The following RPS6KC1 variants were observed in gnomAD, a reference collection of about 807,000 sequenced individuals.
The protein encoded by RPS6KC1 is ribosomal protein S6 kinase C1.
RPS6KC1 carries 54 observed loss-of-function variants against 103.8 expected under a neutral mutation model. That is an observed-to-expected ratio of 0.52 (90% CI 0.42 to 0.65). The LOEUF is 0.65. Among genes scored for constraint, RPS6KC1 ranks in the 30% least tolerant of loss-of-function variants. The pLI is 0.00. For synonymous variants in RPS6KC1, 439 were observed against 438.7 expected (o/e 1.00, Z -0.01); for missense variants, 1,151 against 1,253.8 (o/e 0.92, Z 1.24).
the RPS6KC1 span, among the ~76,000 whole-genome samples, chr1:213,519,328 G>T: frequency 1.3e-3 from 197 of 152,200 alleles, 1 homozygote; most frequent in African/African-American, 4.6e-3. Flanking sequence ...TTGAGGATGG[G>T]CTCTCCCACA....
the RPS6KC1 span, among the ~76,000 whole-genome samples, chr1:213,319,483 C>G: frequency 6.6e-6 from 1 of 152,144 alleles, no homozygotes; most frequent in Non-Finnish European, 1.5e-5. Context: ...GATGTGCGGT[C>G]AGCTCTCAGT....
chr1:213,056,846 TC>T (rs2077367810), intron 1 of RPS6KC1, among the ~76,000 whole-genome samples: 1 of 151,684 alleles, frequency 6.6e-6, no homozygotes, highest in African/African-American at 2.4e-5. Context: ...TACCCTGTGT[TC>T]CGGGAAGCTT....
At chr1:213,308,035 G>A in the RPS6KC1 span, among the ~76,000 whole-genome samples, 13 of 152,236 alleles carry the variant, frequency 8.5e-5, no homozygotes, top group African/African-American at 2.2e-4. Flanking sequence ...GAAGAGGCTG[G>A]GCATGGTGGC....
At chr1:213,623,211 C>T in the RPS6KC1 span, among the ~76,000 whole-genome samples, 1 of 152,138 alleles carries the variant, frequency 6.6e-6, no homozygotes, top group Admixed American at 6.5e-5. Flanking sequence ...CTCTGACTCA[C>T]CAGGAATCAC....
At chr1:213,684,423 T>C in the RPS6KC1 span, among the ~76,000 whole-genome samples, 10 of 152,330 alleles carry the variant, frequency 6.6e-5, no homozygotes, top group South Asian at 6.2e-4. Flanking sequence ...CTAGTGTTTC[T>C]TCACCACCAG....
chr1:213,117,249 A>C (rs1383811856), intron 4 of RPS6KC1, 68 bp from the exon 5 acceptor site: 4 of 878,288 alleles, frequency 4.6e-6, no homozygotes, highest in Non-Finnish European at 5.6e-6. Context: ...AATTGGGATA[A>C]CTATTTTTTA....
the RPS6KC1 span, among the ~76,000 whole-genome samples, chr1:213,408,275 G>A: frequency 6.6e-6 from 1 of 152,108 alleles, no homozygotes; most frequent in Admixed American, 6.6e-5. Context: ...CATGATGCAG[G>A]GCCTCGCACC....
rs375818673 is a variant in RPS6KC1 at position 213,241,984 on chromosome 1, C to T, written c.2508C>T (p.Asp836=). Reference sequence around the variant, plus strand: ...CTAATGAATATATTGCAAGCACAGACACTTTAAAAACAGAAGAAGTATTGC... The same window carrying T: ...CTAATGAATATATTGCAAGCACAGATACTTTAAAAACAGAAGAAGTATTGC... ...SGANEYIAST[D]TLKTEEVLLF... is the part of the protein sequence containing the mutation. Residue 836 remains aspartate (D), a synonymous_variant, in exon 11 of 15, where the codon GAC becomes GAT. Coordinates refer to ENST00000366960, the MANE Select transcript of RPS6KC1 (RefSeq NM_012424.6). 1.2e-6 allele frequency: 2 copies of T among 1,613,990 alleles called. No homozygotes were observed. Among genetic ancestry groups the T allele is most frequent in the Non-Finnish European group, 8.5e-7 (1 of 1,179,932 alleles).
At chr1:213,192,434 A>G (rs933238021) in intron 8 of RPS6KC1, among the ~76,000 whole-genome samples, 5 of 152,112 alleles carry the variant, frequency 3.3e-5, no homozygotes, top group Admixed American at 3.3e-4. Context: ...TCTGTTTTTC[A>G]GAGTAGTTTC....
chr1:213,838,999 G>A, the RPS6KC1 span, among the ~76,000 whole-genome samples: 1 of 152,190 alleles, frequency 6.6e-6, no homozygotes, highest in East Asian at 1.9e-4. Flanking sequence ...TAAGATGAAA[G>A]CATTTTAATA....
At chr1:213,082,143 C>T (rs940769194) in intron 3 of RPS6KC1, among the ~76,000 whole-genome samples, 3 of 151,856 alleles carry the variant, frequency 2.0e-5, no homozygotes, top group Admixed American at 6.6e-5. Flanking sequence ...TAATTGGGCC[C>T]GGCACGGTGG....
the RPS6KC1 span, among the ~76,000 whole-genome samples, chr1:213,662,426 TAA>T: frequency 1.2e-5 from 1 of 81,450 alleles, no homozygotes; most frequent in Non-Finnish European, 2.4e-5. Context: ...CACACCTGGC[TAA>T]TTTTTTTTTT....
the RPS6KC1 span, among the ~76,000 whole-genome samples, chr1:213,830,801 A>G: frequency 2.6e-5 from 4 of 152,110 alleles, no homozygotes; most frequent in Non-Finnish European, 5.9e-5. Flanking sequence ...TTTATACACA[A>G]AAATCCTGGC....
At chr1:213,459,933 T>A in the RPS6KC1 span, among the ~76,000 whole-genome samples, 1 of 152,364 alleles carries the variant, frequency 6.6e-6, no homozygotes, top group East Asian at 1.9e-4. Context: ...CTAGTTTGAT[T>A]GCACTGTGGT....
the RPS6KC1 span, among the ~76,000 whole-genome samples, chr1:213,458,820 G>A: frequency 2.0e-5 from 3 of 152,168 alleles, no homozygotes. Context: ...GTAGCATGAA[G>A]GGGTGTTGAA....
chr1:213,668,359 G>A, the RPS6KC1 span, among the ~76,000 whole-genome samples: 1 of 152,032 alleles, frequency 6.6e-6, no homozygotes, highest in Non-Finnish European at 1.5e-5. Context: ...AAGGTGCATT[G>A]TCAATGAGCA....
At chr1:213,187,680 A>T (rs2092589932) in intron 8 of RPS6KC1, among the ~76,000 whole-genome samples, 1 of 151,754 alleles carries the variant, frequency 6.6e-6, no homozygotes, top group African/African-American at 2.4e-5. Context: ...TCTTGTTAGG[A>T]TCAGTTGCCG....
Position 213,232,094 on chromosome 1 carries a change from A to G in RPS6KC1, c.1093-29A>G, listed in dbSNP as rs372494548. ...AAGGCAACTGAGGATGCAACTGAGG[A>G]TACAACTGACCTTTTTGTTCTCTGT... is the stretch of plus-strand genomic sequence containing the variant. On this transcript the variant is annotated intron_variant, in intron 9 of 14. Coordinates refer to ENST00000366960, the MANE Select transcript of RPS6KC1 (RefSeq NM_012424.6). 4 of 1,429,526 alleles carry G rather than the reference A, an allele frequency of 2.8e-6. No individual in the cohort carries two copies. The African/African-American group carries it at 6.7e-5, about 24-fold the overall frequency. 88.6% of individuals were successfully genotyped at this position (1,429,526 alleles called of 1,614,324 possible). A position where few individuals can be genotyped will look rare whatever the true frequency, so the allele number is the denominator to read the frequency against.
chr1:213,236,078 C>T (rs916403947), intron 10 of RPS6KC1, among the ~76,000 whole-genome samples: 2 of 152,064 alleles, frequency 1.3e-5, no homozygotes, highest in Non-Finnish European at 2.9e-5. Context: ...GAGCACAAAC[C>T]CTATTGTGAA....
Sources: gnomAD v4.1 joint callset for allele counts (sites outside exome capture counted in the v4.1 genomes callset) on GRCh38, gnomAD v4.1.1 for gene constraint, MANE v1.5 for transcripts, NCBI Gene and HGNC (gene_info 2026-07-23, HGNC 2026-07-21) for gene names.